Variants in PCLO observed in about 807,000 individuals in gnomAD.
The protein encoded by PCLO is protein piccolo.
In PCLO, 82 loss-of-function variants were observed where a neutral mutation model predicts 427.5. The observed-to-expected ratio is 0.19, with a 90% CI of 0.16 to 0.23. PCLO has a LOEUF of 0.23. PCLO is among the 10% of genes least tolerant of loss of function. The probability of loss-of-function intolerance (pLI) is 1.00; values close to 1 mark genes in which losing one functional copy is unlikely to be tolerated. For missense variants in PCLO, 6,239 were observed against 6,115.9 expected (o/e 1.02, Z -0.67); for synonymous variants, 2,357 against 2,155.4 (o/e 1.09, Z -2.59).
At chr7:82,903,319 T>C (rs1364391242) in intron 8 of PCLO, among the ~76,000 whole-genome samples, 3 of 152,052 alleles carry the variant, frequency 2.0e-5, no homozygotes, top group South Asian at 2.1e-4. Context: ...TAATTCTATA[T>C]AAATAAATAA....
chr7:83,050,585 T>C (rs886850757), intron 3 of PCLO, among the ~76,000 whole-genome samples: 10 of 151,904 alleles, frequency 6.6e-5, no homozygotes, highest in African/African-American at 2.2e-4. Flanking sequence ...GAAAATTATA[T>C]ACAACAACCA....
chr7:83,162,388 C>T lies in PCLO; in HGVS notation c.205G>A (p.Gly69Arg). 6.3e-7 allele frequency: 1 copy of T among 1,599,382 alleles called. No homozygotes were observed. The highest frequency in any genetic ancestry group is 8.5e-7 in the Non-Finnish European group (1 of 1,172,846). ...VMSRAQGLPK[G>R]SVPPAAAESP... ...TCCGCAGCGGCCGGGGGGACGCTTC[C>T]CTTGGGCAGCCCCTGCGCCCTTGAC... is the stretch of plus-strand genomic sequence containing the variant. The change falls in exon 1 of 25, where the codon GGA becomes AGA. Residue 69 changes from glycine (G) to arginine (R), a missense_variant. Gly to Arg is a moderately radical substitution (Grantham distance 125). Transcript: ENST00000333891.
At chr7:83,023,692 G>T (rs569758423) in intron 3 of PCLO, among the ~76,000 whole-genome samples, 1 of 152,304 alleles carries the variant, frequency 6.6e-6, no homozygotes, top group Non-Finnish European at 1.5e-5. Flanking sequence ...TCTTGTATGG[G>T]TGCCATGAGT....
At chr7:82,972,601 AG>A (rs763938827) in intron 3 of PCLO, among the ~76,000 whole-genome samples, 9 of 152,064 alleles carry the variant, frequency 5.9e-5, no homozygotes, top group Non-Finnish European at 8.8e-5. Context: ...ATTTCATTAA[AG>A]GTCAAGTGAA....
chr7:82,991,948 A>T (rs1459781469), intron 3 of PCLO, among the ~76,000 whole-genome samples: 1 of 152,100 alleles, frequency 6.6e-6, no homozygotes, highest in Non-Finnish European at 1.5e-5. Context: ...ATTACATGAC[A>T]ATCTATTAGT....
intron 6 of PCLO, among the ~76,000 whole-genome samples, chr7:82,922,718 T>C (rs1584159239): frequency 6.6e-6 from 1 of 151,986 alleles, no homozygotes; most frequent in African/African-American, 2.4e-5. Context: ...CCTGCACATG[T>C]ACCCTCTGAA....
chr7:82,934,888 T>A (rs1794915774), intron 6 of PCLO, among the ~76,000 whole-genome samples: 1 of 151,592 alleles, frequency 6.6e-6, no homozygotes, highest in Admixed American at 6.6e-5. Flanking sequence ...AAATGGCTAA[T>A]TGTTATTATA....
In PCLO at chr7:83,135,502, G is replaced by A; in HGVS notation, c.2048C>T (p.Ser683Phe). ...TTTTGGTGCAGCATCCTTCTTTGGG[G>A]AAGTCTGCTGTGGCTGTGGGGATGA... ...SKSSPQPQQTSPKKDAAPKQD... is the reference protein window; with the variant it reads ...SKSSPQPQQTFPKKDAAPKQD... Residue 683 changes from serine (S) to phenylalanine (F), a missense_variant, in exon 3 of 25, where the codon TCC becomes TTC. Physicochemically the swap from Ser to Phe is radical, Grantham distance 155. Transcript: ENST00000333891. 6.2e-6 allele frequency: 10 copies of A among 1,613,718 alleles called. No homozygotes were observed. Among genetic ancestry groups the A allele is most frequent in the South Asian group, 1.1e-5 (1 of 91,066 alleles).
chr7:82,861,050 A>T (rs1792942568), intron 10 of PCLO, among the ~76,000 whole-genome samples: 1 of 152,090 alleles, frequency 6.6e-6, no homozygotes, highest in Admixed American at 6.6e-5. Flanking sequence ...GAAAGAAAGG[A>T]GGAAGAGAAG....
chr7:82,975,188 CA>C (rs1795991207), intron 3 of PCLO, among the ~76,000 whole-genome samples: 1 of 152,050 alleles, frequency 6.6e-6, no homozygotes, highest in African/African-American at 2.4e-5. Flanking sequence ...GCACTACAAG[CA>C]ATGAAAAATT....
intron 22 of PCLO, among the ~76,000 whole-genome samples, chr7:82,780,633 C>T (rs1278754044): frequency 2.0e-5 from 3 of 152,174 alleles, no homozygotes; most frequent in Non-Finnish European, 4.4e-5. Context: ...ATGCAAGCTC[C>T]GCCTCCCGGG....
chr7:82,782,716 C>T (rs1454375176), intron 22 of PCLO, among the ~76,000 whole-genome samples: 2 of 152,100 alleles, frequency 1.3e-5, no homozygotes, highest in African/African-American at 2.4e-5. Context: ...AAATTTACTA[C>T]GGTTCACTGT....
chr7:82,950,973 A>T lies in PCLO; in HGVS notation c.9615T>A (p.Pro3205=). 6.2e-7 allele frequency: 1 copy of T among 1,613,650 alleles called. No individual in the cohort carries two copies. The highest frequency in any genetic ancestry group is 8.5e-7 in the Non-Finnish European group (1 of 1,179,862). ...VGDESALLIV[P]EEDKQQQQLD... ...GCTGCTGCTGTTGTTTATCTTCTTC[A>T]GGGACAATTAAAAGAGCACTTTCAT... Residue 3205 remains proline, a synonymous_variant, in exon 6 of 25, where the codon CCT becomes CCA. Coordinates refer to ENST00000333891, the MANE Select transcript of PCLO (RefSeq NM_033026.6).
intron 22 of PCLO, among the ~76,000 whole-genome samples, chr7:82,769,965 A>G (rs775732859): frequency 6.6e-6 from 1 of 152,112 alleles, no homozygotes; most frequent in Non-Finnish European, 1.5e-5. Flanking sequence ...TTCTGCTCTA[A>G]ATAATTGTGT....
chr7:82,902,596 AAAC>A, intron 9 of PCLO, 52 bp downstream of exon 9: 2 of 1,007,962 alleles, frequency 2.0e-6, no homozygotes, highest in Non-Finnish European at 3.0e-6. Flanking sequence ...ATGCAAAACA[AAAC>A]AAAACAAAAC....
At chr7:83,022,016 T>C (rs1281516479) in intron 3 of PCLO, among the ~76,000 whole-genome samples, 1 of 152,218 alleles carries the variant, frequency 6.6e-6, no homozygotes, top group Non-Finnish European at 1.5e-5. Flanking sequence ...ATGTATGTGT[T>C]CCTCCAAAAA....
At chr7:83,035,164 T>A (rs1788763722) in intron 3 of PCLO, among the ~76,000 whole-genome samples, 1 of 152,194 alleles carries the variant, frequency 6.6e-6, no homozygotes, top group African/African-American at 2.4e-5. Flanking sequence ...TCACATTTGC[T>A]TCTGTTCCTG....
chr7:83,080,546 C>CTTTT (rs1484589409), intron 3 of PCLO, among the ~76,000 whole-genome samples: 1 of 152,144 alleles, frequency 6.6e-6, no homozygotes, highest in Non-Finnish European at 1.5e-5. Context: ...ATCTGCCCAT[C>CTTTT]ATAAAAGCTC....
At chr7:82,927,963 T>C (rs1048562160) in intron 6 of PCLO, among the ~76,000 whole-genome samples, 2 of 152,194 alleles carry the variant, frequency 1.3e-5, no homozygotes, top group African/African-American at 4.8e-5. Context: ...AAATCATTAA[T>C]TAAATTTGAG....
Sources: allele counts gnomAD v4.1 joint callset (sites outside exome capture counted in the v4.1 genomes callset), GRCh38; gene constraint gnomAD v4.1.1; transcripts MANE v1.5; gene names NCBI Gene and HGNC (gene_info 2026-07-23, HGNC 2026-07-21).